PTPRG: variants seen among roughly 807,000 people sequenced by gnomAD.
PTPRG encodes receptor-type tyrosine-protein phosphatase gamma.
PTPRG carries 102 observed loss-of-function variants against 165.3 expected under a neutral mutation model. The observed-to-expected ratio is 0.62, with a 90% CI of 0.53 to 0.73. The LOEUF (loss-of-function observed/expected upper bound fraction) is 0.73, where lower values mean the gene tolerates loss of function less well. Among genes scored for constraint, PTPRG ranks in the 30% least tolerant of loss-of-function variants. PTPRG has a pLI of 0.00. For synonymous variants in PTPRG, 675 were observed against 669.5 expected, an observed-to-expected ratio of 1.01 and a Z score of -0.13; for missense variants, 1,866 against 1,861.4, an observed-to-expected ratio of 1.00 and a Z score of -0.05.
intron 15 of PTPRG, among the ~76,000 whole-genome samples, chr3:62,246,878 C>G (rs996572215): frequency 6.6e-6 from 1 of 152,110 alleles, no homozygotes; most frequent in Non-Finnish European, 1.5e-5. Context: ...TCTTCACTCT[C>G]TATAATTGAT....
At position 62,253,142 on chromosome 3, in the gene PTPRG, C is replaced by G. The variant is rs148563564; in HGVS notation, c.2468-1982C>G. 5.0e-3 allele frequency among the ~76,000 whole-genome samples: 755 copies of G among 152,258 alleles called. 6 individuals carry two copies. Among genetic ancestry groups the G allele is most frequent in the Middle Eastern group, 0.017 (5 of 294 alleles). ...ACCTGAAAGCATTTCTTTTAATGAT[C>G]TGAGGTGGGCTATGGCCTTTAAAAT... is the stretch of plus-strand genomic sequence containing the variant. On this transcript the variant is annotated intron_variant, in intron 15 of 29. Coordinates refer to ENST00000474889, the MANE Select transcript of PTPRG (RefSeq NM_002841.4).
chr3:61,779,236 G>C (rs915434726), intron 2 of PTPRG, among the ~76,000 whole-genome samples: 3 of 152,200 alleles, frequency 2.0e-5, no homozygotes, highest in African/African-American at 7.2e-5. Flanking sequence ...TCCTGAGAGT[G>C]CTTGAAGCTG....
rs2035085595 is a variant in PTPRG at position 61,797,532 on chromosome 3, G to A, written c.190+48550G>A. Among the ~76,000 whole-genome samples, 3 of 152,050 alleles carry A rather than the reference G, an allele frequency of 2.0e-5. 1 individual carries two copies. In the South Asian group the frequency reaches 6.2e-4, roughly 31 times the overall value. On this transcript the variant is annotated intron_variant, in intron 2 of 29. Coordinates refer to ENST00000474889, the MANE Select transcript of PTPRG (RefSeq NM_002841.4). Reference sequence around the variant, plus strand: ...GGTGTGAGAAGAACAGGGAGGCTGGGTTCTTTCAGGTTTGGTGTTGTCACT... The same window carrying A: ...GGTGTGAGAAGAACAGGGAGGCTGGATTCTTTCAGGTTTGGTGTTGTCACT...
rs80127414 is a variant in PTPRG, at chr3:61,901,045, G to A, written c.191-88580G>A. Among the ~76,000 whole-genome samples, 28 of 152,310 alleles carry A rather than the reference G, an allele frequency of 1.8e-4. No homozygotes were observed. In the East Asian group the frequency reaches 4.8e-3, roughly 26 times the overall value. ...TACTAAGTGTTCAACATAGCTGAGCGCTCTTAATCTGCTGACAAAGGCAGT... is the reference window on the plus strand; with the variant it reads ...TACTAAGTGTTCAACATAGCTGAGCACTCTTAATCTGCTGACAAAGGCAGT... On this transcript the variant is annotated intron_variant, in intron 2 of 29. Transcript: ENST00000474889.
In PTPRG at chr3:62,191,611, C is replaced by G. The variant is rs113199298; in HGVS notation, c.1176C>G (p.Asp392Glu). The G allele has an allele frequency of 4.3e-6, 7 of 1,613,990 alleles. No individual in the cohort carries two copies. Among genetic ancestry groups the G allele is most frequent in the Admixed American group, 1.7e-5 (1 of 59,998 alleles). ...CCTACAGCTGGACCAAGAATGAGGA[C>G]GAGAAGGAGAAGACGTTTACAAAGG... ...MISYSWTKNE[D>E]EKEKTFTKDS... Residue 392 changes from aspartate (D) to glutamate (E), a missense_variant, in exon 9 of 30, where the codon GAC becomes GAG. By Grantham distance (45) the Asp-to-Glu change is conservative. Coordinates refer to ENST00000474889, the MANE Select transcript of PTPRG (RefSeq NM_002841.4).
Position 62,273,593 on chromosome 3 carries a change from C to G in PTPRG, c.3319-105C>G. On this transcript the variant is annotated intron_variant, in intron 22 of 29. Coordinates refer to ENST00000474889, the MANE Select transcript of PTPRG (RefSeq NM_002841.4). The surrounding 1 kb of genome is among the most constrained non-coding windows in gnomAD (Gnocchi z 4.1). ...AGCTGTAAGTGCTTGAAGGAAATCACTGGGAGGTCCCTGTTAGCAGCAGAA... is the reference window on the plus strand; with the variant it reads ...AGCTGTAAGTGCTTGAAGGAAATCAGTGGGAGGTCCCTGTTAGCAGCAGAA... The G allele has an allele frequency of 8.8e-7, 1 of 1,138,816 alleles. No individual in the cohort carries two copies. The highest frequency in any genetic ancestry group is 1.5e-5 in the African/African-American group (1 of 65,122). The allele number at this position is 1,138,816 out of a possible 1,614,324, so 70.5% of individuals were successfully genotyped here.
chr3:61,766,286 T>A (rs1203887566), intron 2 of PTPRG, among the ~76,000 whole-genome samples: 1 of 152,210 alleles, frequency 6.6e-6, no homozygotes, highest in African/African-American at 2.4e-5. Flanking sequence ...GAAAACCACT[T>A]TTCTCCCCAA....
Position 61,918,978 on chromosome 3 carries a change from G to A in PTPRG, c.191-70647G>A, listed in dbSNP as rs138035962. Among the ~76,000 whole-genome samples the A allele has an allele frequency of 7.1e-3, 1,079 of 152,318 alleles. 11 individuals carry two copies. Among genetic ancestry groups the A allele is most frequent in the African/African-American group, 0.024 (984 of 41,570 alleles). ...GCTTCTTGAGGAGAATTCGGTGGTT[G>A]TGAGGGTGGGACTAGGCAATCTCTG... On this transcript the variant is annotated intron_variant, in intron 2 of 29. Coordinates refer to ENST00000474889, the MANE Select transcript of PTPRG (RefSeq NM_002841.4).
At chr3:61,578,318 C>A (rs963382530) in intron 1 of PTPRG, among the ~76,000 whole-genome samples, 1 of 152,176 alleles carries the variant, frequency 6.6e-6, no homozygotes, top group Non-Finnish European at 1.5e-5. Flanking sequence ...TGATATAATC[C>A]ATTGCAGCAA....
At chr3:62,225,390 A>G (rs947509876) in intron 13 of PTPRG, among the ~76,000 whole-genome samples, 7 of 152,328 alleles carry the variant, frequency 4.6e-5, no homozygotes, top group Admixed American at 1.3e-4. Flanking sequence ...GAGAGGAGCT[A>G]TGTGCCCGGT....
At chr3:61,641,899 T>C (rs1022530174) in intron 1 of PTPRG, among the ~76,000 whole-genome samples, 2 of 152,146 alleles carry the variant, frequency 1.3e-5, no homozygotes, top group Non-Finnish European at 2.9e-5. Flanking sequence ...ATGGCCTGGG[T>C]GCCTTTCCTG....
chr3:61,891,227 A>C (rs989267521), intron 2 of PTPRG, among the ~76,000 whole-genome samples: 3 of 152,266 alleles, frequency 2.0e-5, no homozygotes, highest in Admixed American at 1.3e-4. Flanking sequence ...CTGAGGCAAG[A>C]GAATCACTTG....
At chr3:61,938,235 CTTT>C (rs59553874) in intron 2 of PTPRG, among the ~76,000 whole-genome samples, 2 of 135,308 alleles carry the variant, frequency 1.5e-5, no homozygotes, top group Non-Finnish European at 3.2e-5. Context: ...TTTCTTTTTC[CTTT>C]TTTTTTTTTT....
At chr3:62,286,392 G>T (rs1230618089) in intron 28 of PTPRG, among the ~76,000 whole-genome samples, 1 of 152,012 alleles carries the variant, frequency 6.6e-6, no homozygotes, top group Non-Finnish European at 1.5e-5. Flanking sequence ...CACAGTGTCA[G>T]GGTTATAACT....
chr3:61,992,134 A>C (rs1373053733), intron 3 of PTPRG, among the ~76,000 whole-genome samples: 2 of 152,242 alleles, frequency 1.3e-5, no homozygotes, highest in Non-Finnish European at 2.9e-5. Context: ...AATTCACTAC[A>C]TAATATTAGA....
At position 62,269,078 on chromosome 3, in the gene PTPRG, A is replaced by G; in HGVS notation, c.2918A>G (p.Tyr973Cys). The part of the protein sequence containing the change: ...QYWPTENSEE[Y>C]GNIIVTLKST... ...TGGCCAACAGAGAACAGTGAGGAAT[A>G]TGGAAACATTATTGTCACGCTGAAG... Residue 973 changes from tyrosine (Y) to cysteine (C), a missense_variant, in exon 20 of 30, where the codon TAT becomes TGT. This residue lies in a region of PTPRG where 1,452 missense variants were observed against 1,463.0 expected (regional missense o/e 0.99). Transcript: ENST00000474889. The G allele has an allele frequency of 6.2e-7, 1 of 1,606,934 alleles. No individual in the cohort carries two copies. Among genetic ancestry groups the G allele is most frequent in the Non-Finnish European group, 8.5e-7 (1 of 1,174,576 alleles).
At chr3:62,095,885 G>T (rs1702092194) in intron 5 of PTPRG, among the ~76,000 whole-genome samples, 2 of 152,232 alleles carry the variant, frequency 1.3e-5, no homozygotes, top group South Asian at 4.1e-4. Context: ...CCAAGCAGGA[G>T]AACTGAGTGC....
intron 2 of PTPRG, among the ~76,000 whole-genome samples, chr3:61,820,794 A>G (rs774657830): frequency 2.6e-5 from 4 of 151,824 alleles, no homozygotes; most frequent in Non-Finnish European, 5.9e-5. Flanking sequence ...CCTGTTTTGC[A>G]CTTCCTCTGT....
intron 1 of PTPRG, among the ~76,000 whole-genome samples, chr3:61,703,710 A>G (rs1029991810): frequency 6.6e-6 from 1 of 152,090 alleles, no homozygotes; most frequent in African/African-American, 2.4e-5. Context: ...AACAAACACA[A>G]ATCTGTGTAA....
Sources: gnomAD v4.1 joint callset for allele counts (sites outside exome capture counted in the v4.1 genomes callset) on GRCh38, gnomAD v4.1.1 for gene constraint, gnomAD v4.1.1 regional missense constraint, Gnocchi (gnomAD v3.1) non-coding constraint, MANE v1.5 for transcripts, NCBI Gene and HGNC (gene_info 2026-07-23, HGNC 2026-07-21) for gene names.